DTD1: variants seen among roughly 807,000 people sequenced by gnomAD.
DTD1 encodes D-aminoacyl-tRNA deacylase 1.
A neutral mutation model predicts 25.6 loss-of-function variants in DTD1; 13 were observed. The ratio of observed to expected loss-of-function variants is 0.51; its 90% confidence interval spans 0.33 to 0.81. The LOEUF (loss-of-function observed/expected upper bound fraction) is 0.81, where lower values mean the gene tolerates loss of function less well. Among genes scored for constraint, DTD1 ranks in the 30% least tolerant of loss-of-function variants. DTD1 has a pLI of 0.02. For missense variants in DTD1, 193 were observed against 266.4 expected (o/e 0.72, Z 1.92); for synonymous variants, 110 against 103.6 (o/e 1.06, Z -0.37).
chr20:18,618,597 A>G (rs993627538), intron 3 of DTD1, among the ~76,000 whole-genome samples: 11 of 150,204 alleles, frequency 7.3e-5, no homozygotes, highest in South Asian at 2.1e-4. Flanking sequence ...AATTATATAT[A>G]CATACATATG....
intron 3 of DTD1, among the ~76,000 whole-genome samples, chr20:18,618,593 A>G (rs1282390514): frequency 2.0e-5 from 3 of 150,094 alleles, no homozygotes; most frequent in Admixed American, 1.3e-4. Flanking sequence ...CAAAAATTAT[A>G]TATACATACA....
At chr20:18,652,497 G>A (rs1405301947) in intron 4 of DTD1, among the ~76,000 whole-genome samples, 2 of 152,206 alleles carry the variant, frequency 1.3e-5, no homozygotes, top group Non-Finnish European at 2.9e-5. Flanking sequence ...TTAGACCAAG[G>A]CAGGTGCAGC....
intron 4 of DTD1, among the ~76,000 whole-genome samples, chr20:18,667,425 A>G (rs1216852262): frequency 6.6e-6 from 1 of 152,184 alleles, no homozygotes. Context: ...CAGAGCTGAA[A>G]GATCGCTGAT....
chr20:18,724,800 G>T (rs1461951211), intron 4 of DTD1, among the ~76,000 whole-genome samples: 1 of 152,222 alleles, frequency 6.6e-6, no homozygotes, highest in Admixed American at 6.5e-5. Context: ...AATAAATGGG[G>T]ATCTATTTCA....
At chr20:18,610,843 T>A (rs907467177) in intron 3 of DTD1, among the ~76,000 whole-genome samples, 3 of 94,816 alleles carry the variant, frequency 3.2e-5, no homozygotes, top group African/African-American at 9.5e-5. Context: ...ACACAGGAGA[T>A]TGAGGCTGCA....
At chr20:18,744,636 C>CAAAAAAAA (rs796918448) in intron 5 of DTD1, among the ~76,000 whole-genome samples, 16 of 11,334 alleles carry the variant, frequency 1.4e-3, no homozygotes, top group Non-Finnish European at 4.7e-3. Context: ...GACTCCATCT[C>CAAAAAAAA]AAAAAAAAAA....
chr20:18,665,448 C>T (rs2060928201), intron 4 of DTD1, among the ~76,000 whole-genome samples: 1 of 152,202 alleles, frequency 6.6e-6, no homozygotes, highest in African/African-American at 2.4e-5. Context: ...TGGAGTCAGA[C>T]CTGCCTTTCC....
intron 4 of DTD1, among the ~76,000 whole-genome samples, chr20:18,680,503 A>G (rs1432521940): frequency 6.6e-6 from 1 of 150,674 alleles, no homozygotes; most frequent in African/African-American, 2.4e-5. Context: ...GGGCCTCCCA[A>G]TGTGTTGGGA....
At chr20:18,678,945 CTT>C (rs1221776651) in intron 4 of DTD1, 3 of 152,198 alleles carry the variant, frequency 2.0e-5, no homozygotes, top group African/African-American at 7.2e-5. Flanking sequence ...TAGGAGAGCT[CTT>C]TTCTCCATGT....
chr20:18,629,350 G>A (rs183189363), intron 4 of DTD1, among the ~76,000 whole-genome samples: 2 of 140,296 alleles, frequency 1.4e-5, no homozygotes, highest in African/African-American at 5.4e-5. Context: ...ACCCAGGCTG[G>A]AGTGCAGTGG....
At chr20:18,632,458 T>C (rs2060792449) in intron 4 of DTD1, 1 of 985,378 alleles carries the variant, frequency 1.0e-6, no homozygotes. Flanking sequence ...GGGGCCTCTC[T>C]CTGCCTTTTC....
intron 4 of DTD1, among the ~76,000 whole-genome samples, chr20:18,662,584 C>T (rs1040911933): frequency 2.6e-5 from 4 of 152,176 alleles, no homozygotes; most frequent in Admixed American, 1.3e-4. Context: ...ACAGCGTTAT[C>T]CAAACAACCA....
intron 4 of DTD1, among the ~76,000 whole-genome samples, chr20:18,689,782 G>A (rs1400895345): frequency 1.3e-5 from 2 of 151,636 alleles, no homozygotes; most frequent in East Asian, 1.9e-4. Flanking sequence ...TGACTAATGA[G>A]CACTCTAAAT....
At chr20:18,678,716 C>T (rs1373548937) in intron 4 of DTD1, 9 of 152,258 alleles carry the variant, frequency 5.9e-5, no homozygotes, top group Non-Finnish European at 1.0e-4. Context: ...TTTTCTCTCT[C>T]TACTTCCCCA....
Position 18,744,181 on chromosome 20 carries a change from A to G in DTD1, c.559A>G (p.Thr187Ala), listed in dbSNP as rs774807978. 6.2e-6 allele frequency: 10 copies of G among 1,612,268 alleles called. No individual in the cohort carries two copies. In the South Asian group the frequency reaches 9.9e-5, roughly 16 times the overall value. Residue 187 changes from threonine (T) to alanine (A), a missense_variant, in exon 5 of 6, where the codon ACT becomes GCT. Physicochemically the swap from Thr to Ala is moderately conservative, Grantham distance 58. Coordinates refer to ENST00000377452, the MANE Select transcript of DTD1 (RefSeq NM_080820.6). ...GPSESSKERNTPRKEDRSASS... is the reference protein window; with the variant it reads ...GPSESSKERNAPRKEDRSASS... ...TTCTGAATCAAGCAAGGAAAGAAAC[A>G]CTCCCCGAAAAGAAGACCGCAGTGC...
At chr20:18,630,148 A>G (rs933404547) in intron 4 of DTD1, among the ~76,000 whole-genome samples, 6 of 152,082 alleles carry the variant, frequency 3.9e-5, no homozygotes, top group Non-Finnish European at 7.4e-5. Context: ...TGAAAAGTCC[A>G]CATGAAAATG....
intron 4 of DTD1, among the ~76,000 whole-genome samples, chr20:18,711,550 G>A (rs763602269): frequency 1.2e-4 from 18 of 152,022 alleles, no homozygotes; most frequent in Non-Finnish European, 2.2e-4. Flanking sequence ...ATGGTGTGAG[G>A]ATAAATTTGG....
chr20:18,708,183 T>TATATATATATTATATATATATA (rs2061134679), intron 4 of DTD1, among the ~76,000 whole-genome samples: 1 of 81,146 alleles, frequency 1.2e-5, no homozygotes, highest in African/African-American at 5.4e-5. Flanking sequence ...ATATATATAT[T>TATATATATATTATATATATATA]TTATATATAT....
chr20:18,694,977 C>A (rs543294071), intron 4 of DTD1, among the ~76,000 whole-genome samples: 2 of 151,980 alleles, frequency 1.3e-5, no homozygotes, highest in African/African-American at 4.8e-5. Flanking sequence ...TAAAAACGCC[C>A]GACGTATAGT....
Sources: allele counts gnomAD v4.1 joint callset (sites outside exome capture counted in the v4.1 genomes callset), GRCh38; gene constraint gnomAD v4.1.1; transcripts MANE v1.5; gene names NCBI Gene and HGNC (gene_info 2026-07-23, HGNC 2026-07-21).